The following SLC24A2 variants were observed in gnomAD, a reference collection of about 807,000 sequenced individuals.
SLC24A2 encodes the protein sodium/potassium/calcium exchanger 2.
SLC24A2 carries 36 observed loss-of-function variants against 62.0 expected under a neutral mutation model. The ratio of observed to expected loss-of-function variants is 0.58; its 90% CI spans 0.44 to 0.77. The LOEUF (loss-of-function observed/expected upper bound fraction) is 0.77. SLC24A2 is among the 30% of genes least tolerant of loss of function. The probability of loss-of-function intolerance (pLI) is 0.00; values close to 1 mark genes in which losing one functional copy is unlikely to be tolerated. For missense variants in SLC24A2, 846 were observed against 817.9 expected (o/e 1.03, Z -0.42); for synonymous variants, 358 against 294.0 (o/e 1.22, Z -2.23).
rs1307384708 is a variant in SLC24A2, at chr9:19,510,604, A to G, written c.*5549T>C. Reference sequence around the variant, plus strand: ...GAGGACTGTCCTTTGGATTAGCGTGATAGGCTAGACAAACCCTCTTAATGG... The same window carrying G: ...GAGGACTGTCCTTTGGATTAGCGTGGTAGGCTAGACAAACCCTCTTAATGG... On this transcript the variant is annotated 3_prime_UTR_variant, in exon 11 of 11. Coordinates refer to ENST00000341998, the MANE Select transcript of SLC24A2 (RefSeq NM_020344.4). The G allele has an allele frequency of 1.3e-5, 2 of 152,242 alleles. No individual in the cohort carries two copies. The highest frequency in any genetic ancestry group is 4.8e-5 in the African/African-American group (2 of 41,464). 9.4% of individuals were successfully genotyped at this position (152,242 alleles called of 1,614,324 possible).
intron 5 of SLC24A2, among the ~76,000 whole-genome samples, chr9:19,589,934 A>AAGAG (rs1836500234): frequency 6.6e-6 from 1 of 152,172 alleles, no homozygotes; most frequent in African/African-American, 2.4e-5. Context: ...TCTCTAGACA[A>AAGAG]AGAGACTCAC....
the SLC24A2 span, among the ~76,000 whole-genome samples, chr9:20,027,208 TA>T: frequency 6.6e-6 from 1 of 152,098 alleles, no homozygotes; most frequent in South Asian, 2.1e-4. Context: ...GGTGGGAATG[TA>T]AATTAGTACA....
chr9:19,922,284 C>A, the SLC24A2 span, among the ~76,000 whole-genome samples: 1 of 152,136 alleles, frequency 6.6e-6, no homozygotes, highest in African/African-American at 2.4e-5. Flanking sequence ...GTATTTGAGT[C>A]CATGATTTTC....
intron 2 of SLC24A2, among the ~76,000 whole-genome samples, chr9:19,769,551 GT>G (rs1822621860): frequency 1.3e-5 from 2 of 152,208 alleles, no homozygotes; most frequent in Non-Finnish European, 2.9e-5. Flanking sequence ...ATGAGGTAAA[GT>G]GTTGTGTTTT....
chr9:20,024,413 C>T, the SLC24A2 span, among the ~76,000 whole-genome samples: 1 of 152,096 alleles, frequency 6.6e-6, no homozygotes, highest in African/African-American at 2.4e-5. Flanking sequence ...TATTGGAAAC[C>T]ACATTTGGCA....
intron 2 of SLC24A2, among the ~76,000 whole-genome samples, chr9:19,647,421 GAAGT>G (rs1335254275): frequency 2.0e-5 from 3 of 152,166 alleles, no homozygotes; most frequent in African/African-American, 7.2e-5. Context: ...TAAAACTGAA[GAAGT>G]AAGAAGCACT....
chr9:19,741,371 T>C (rs746144684), intron 2 of SLC24A2, among the ~76,000 whole-genome samples: 5 of 152,162 alleles, frequency 3.3e-5, no homozygotes, highest in Non-Finnish European at 4.4e-5. Flanking sequence ...GCACTTCCTG[T>C]TTCCTGATTT....
the SLC24A2 span, among the ~76,000 whole-genome samples, chr9:20,277,016 G>T: frequency 1.3e-5 from 2 of 152,182 alleles, no homozygotes; most frequent in African/African-American, 4.8e-5. Context: ...TCACTGACAT[G>T]CCCTAGACAT....
chr9:19,970,659 A>G, the SLC24A2 span, among the ~76,000 whole-genome samples: 2 of 152,248 alleles, frequency 1.3e-5, no homozygotes, highest in African/African-American at 4.8e-5. Flanking sequence ...ACTGGTCCCC[A>G]TAGAAGTTAT....
chr9:19,550,845 G>C (rs1468759086), intron 7 of SLC24A2, among the ~76,000 whole-genome samples: 2 of 151,842 alleles, frequency 1.3e-5, no homozygotes, highest in African/African-American at 2.4e-5. Flanking sequence ...GTAGTTGTGA[G>C]TTTTTTTCTT....
intron 6 of SLC24A2, among the ~76,000 whole-genome samples, chr9:19,574,984 C>T (rs767001167): frequency 3.3e-4 from 50 of 151,924 alleles, no homozygotes; most frequent in Non-Finnish European, 5.6e-4. Flanking sequence ...CTAGCAACTT[C>T]AGAGGGACTA....
At chr9:19,557,592 G>A (rs745639622) in intron 7 of SLC24A2, among the ~76,000 whole-genome samples, 2 of 152,154 alleles carry the variant, frequency 1.3e-5, no homozygotes, top group African/African-American at 4.8e-5. Context: ...ATAAATGCTG[G>A]CAGGGCCAGC....
Position 19,636,314 on chromosome 9 carries a change from C to CTCTTCTCTTCT in SLC24A2, c.931-14016_931-14015insAGAAGAGAAGA, listed in dbSNP as rs1818325333. On this transcript the variant is annotated intron_variant, in intron 2 of 10. Coordinates refer to ENST00000341998, the MANE Select transcript of SLC24A2 (RefSeq NM_020344.4). The stretch of plus-strand genomic sequence containing the variant: ...CTTTTCTTTTCTTTTCTTTTCTTTT[C>CTCTTCTCTTCT]TTTTCTTTCTTTCTTTCTTTCTTTC... Among the ~76,000 whole-genome samples, 2 of 21,244 alleles carry CTCTTCTCTTCT rather than the reference C, an allele frequency of 9.4e-5. 1 individual carries two copies. Among genetic ancestry groups the CTCTTCTCTTCT allele is most frequent in the African/African-American group, 4.0e-4 (2 of 4,980 alleles). The allele number at this position is 21,244 out of a possible 152,430, so 13.9% of individuals were successfully genotyped here.
At chr9:19,717,449 A>G (rs1423227529) in intron 2 of SLC24A2, among the ~76,000 whole-genome samples, 6 of 152,226 alleles carry the variant, frequency 3.9e-5, no homozygotes, top group African/African-American at 1.4e-4. Flanking sequence ...TGCACTATAG[A>G]TGAATTTCTA....
the SLC24A2 span, among the ~76,000 whole-genome samples, chr9:20,293,301 C>CTGCTTTAGATT: frequency 6.6e-6 from 1 of 152,214 alleles, no homozygotes; most frequent in East Asian, 1.9e-4. Context: ...TGTTCCTTCT[C>CTGCTTTAGATT]CCAGAAAGGT....
At chr9:19,959,232 A>C in the SLC24A2 span, among the ~76,000 whole-genome samples, 8 of 152,222 alleles carry the variant, frequency 5.3e-5, no homozygotes, top group African/African-American at 1.7e-4. Flanking sequence ...AAAGAAGAAA[A>C]GACAATGTAC....
the SLC24A2 span, among the ~76,000 whole-genome samples, chr9:20,163,264 A>T: frequency 6.6e-6 from 1 of 152,164 alleles, no homozygotes; most frequent in Non-Finnish European, 1.5e-5. Context: ...CCTTAAGCTG[A>T]TAAGCAACTT....
chr9:19,755,344 C>G (rs1378889850), intron 2 of SLC24A2, among the ~76,000 whole-genome samples: 1 of 152,158 alleles, frequency 6.6e-6, no homozygotes, highest in African/African-American at 2.4e-5. Context: ...TTGATCAATT[C>G]TCTGTGAGCA....
the SLC24A2 span, among the ~76,000 whole-genome samples, chr9:19,977,713 C>A: frequency 6.6e-6 from 1 of 152,144 alleles, no homozygotes; most frequent in Non-Finnish European, 1.5e-5. Context: ...TATCTCCTGT[C>A]TTTTGTAAAA....
Sources: gnomAD v4.1 joint callset for allele counts (sites outside exome capture counted in the v4.1 genomes callset) on GRCh38, gnomAD v4.1.1 for gene constraint, MANE v1.5 for transcripts, NCBI Gene and HGNC (gene_info 2026-07-23, HGNC 2026-07-21) for gene names.